The following KCNQ5 variants were observed in gnomAD, a reference collection of about 807,000 sequenced individuals.
The protein encoded by KCNQ5 is potassium voltage-gated channel subfamily Q member 5.
Under a neutral mutation model 98.2 loss-of-function variants are expected in KCNQ5, and 30 were observed. The observed-to-expected ratio is 0.31, with a 90% CI of 0.23 to 0.41. The LOEUF (loss-of-function observed/expected upper bound fraction) is 0.41. Ranked by LOEUF, KCNQ5 falls within the 10% of genes least tolerant of loss-of-function variation. The pLI is 1.00. For missense variants in KCNQ5, 835 were observed against 1,182.5 expected (o/e 0.71, Z 4.31); for synonymous variants, 458 against 449.4 (o/e 1.02, Z -0.24).
intron 1 of KCNQ5, among the ~76,000 whole-genome samples, chr6:72,814,143 G>A (rs2150107561): frequency 6.6e-6 from 1 of 152,316 alleles, no homozygotes; most frequent in African/African-American, 2.4e-5. Flanking sequence ...TTTGAATCTA[G>A]GAACAGAAGG....
chr6:72,790,650 A>C (rs1773990473), intron 1 of KCNQ5, among the ~76,000 whole-genome samples: 1 of 152,238 alleles, frequency 6.6e-6, no homozygotes, highest in South Asian at 2.1e-4. Context: ...ACATTTAAAA[A>C]TAACTAAAAT....
At chr6:72,731,294 G>A (rs2154475767) in intron 1 of KCNQ5, among the ~76,000 whole-genome samples, 1 of 152,322 alleles carries the variant, frequency 6.6e-6, no homozygotes, top group Non-Finnish European at 1.5e-5. Flanking sequence ...AAAGCACAAT[G>A]GAGATAGAAA....
chr6:72,852,661 A>ATATATATATATATATATATAT (rs60436919), intron 1 of KCNQ5, among the ~76,000 whole-genome samples: 15 of 125,372 alleles, frequency 1.2e-4, no homozygotes, highest in South Asian at 2.6e-4. Context: ...ATATATATAT[A>ATATATATATATATATATATAT]AATGGCACTT....
Position 73,143,721 on chromosome 6 carries a change from G to A in KCNQ5, c.1468+10080G>A, listed in dbSNP as rs182596971. ...CATTTAGAAGGCAGGGAGGAGGCGT[G>A]ACAACTGTCACCCCAAAGAACTTAC... is the stretch of plus-strand genomic sequence containing the variant. On this transcript the variant is annotated intron_variant, in intron 10 of 13. Transcript: ENST00000370398. Among the ~76,000 whole-genome samples the A allele has an allele frequency of 1.6e-3, 249 of 152,258 alleles. 1 individual carries two copies. Among genetic ancestry groups the A allele is most frequent in the African/African-American group, 5.7e-3 (237 of 41,548 alleles).
intron 11 of KCNQ5, among the ~76,000 whole-genome samples, chr6:73,178,589 C>A (rs930438105): frequency 6.6e-6 from 1 of 151,668 alleles, no homozygotes; most frequent in African/African-American, 2.4e-5. Context: ...TATCTGCTTG[C>A]CCCTACAGTG....
In KCNQ5 at chr6:73,195,910, A is replaced by G. The variant is rs988607202; in HGVS notation, c.*496A>G. The stretch of plus-strand genomic sequence containing the variant: ...ATAATAGAAATGGCTGCTTATTTCA[A>G]GATATATTTGCCAACCCATTCCTAT... On this transcript the variant is annotated 3_prime_UTR_variant, in exon 14 of 14. Transcript: ENST00000370398. The G allele has an allele frequency of 1.9e-5, 3 of 158,512 alleles. No homozygotes were observed. The highest frequency in any genetic ancestry group is 7.2e-5 in the African/African-American group (3 of 41,512). The allele number at this position is 158,512 out of a possible 1,614,324, so 9.8% of individuals were successfully genotyped here. A position where few individuals can be genotyped will look rare whatever the true frequency, so the allele number is the denominator to read the frequency against.
chr6:73,068,681 A>G (rs1773173968), intron 3 of KCNQ5, among the ~76,000 whole-genome samples: 1 of 152,226 alleles, frequency 6.6e-6, no homozygotes, highest in South Asian at 2.1e-4. Context: ...TGAGCACCAC[A>G]GCCCATGCTC....
At chr6:72,709,108 G>A (rs931382329) in intron 1 of KCNQ5, among the ~76,000 whole-genome samples, 1 of 152,112 alleles carries the variant, frequency 6.6e-6, no homozygotes, top group Admixed American at 6.5e-5. Flanking sequence ...CCCCACAAAG[G>A]TGCTGGGATT....
At chr6:72,921,771 TC>T (rs1340681225) in intron 1 of KCNQ5, among the ~76,000 whole-genome samples, 2 of 152,114 alleles carry the variant, frequency 1.3e-5, no homozygotes, top group African/African-American at 4.8e-5. Flanking sequence ...TGTCCTAGAG[TC>T]TTGAAGTGGA....
chr6:72,916,280 G>T (rs1171202389), intron 1 of KCNQ5, among the ~76,000 whole-genome samples: 1 of 152,090 alleles, frequency 6.6e-6, no homozygotes, highest in African/African-American at 2.4e-5. Flanking sequence ...AAACAATTCA[G>T]GTTTCACACC....
chr6:72,955,118 C>T (rs895514222), intron 1 of KCNQ5, among the ~76,000 whole-genome samples: 1 of 152,168 alleles, frequency 6.6e-6, no homozygotes, highest in African/African-American at 2.4e-5. Flanking sequence ...CAGATCTAAA[C>T]GTTAGTTTAG....
intron 1 of KCNQ5, among the ~76,000 whole-genome samples, chr6:72,654,007 A>G (rs571125073): frequency 7.9e-5 from 12 of 152,204 alleles, no homozygotes; most frequent in African/African-American, 2.6e-4. Flanking sequence ...AGTGTCTACC[A>G]TAATGTAAGC....
At chr6:72,737,529 G>A (rs1253474791) in intron 1 of KCNQ5, among the ~76,000 whole-genome samples, 5 of 152,040 alleles carry the variant, frequency 3.3e-5, no homozygotes, top group Non-Finnish European at 7.4e-5. Flanking sequence ...TCCTGAGAGT[G>A]TCTGAGAGAA....
At chr6:73,000,078 A>G (rs1769489440) in intron 1 of KCNQ5, among the ~76,000 whole-genome samples, 1 of 152,004 alleles carries the variant, frequency 6.6e-6, no homozygotes, top group African/African-American at 2.4e-5. Flanking sequence ...CACCGCTTCT[A>G]CTTGTATTCA....
intron 1 of KCNQ5, among the ~76,000 whole-genome samples, chr6:72,925,284 T>C (rs775845681): frequency 1.3e-5 from 2 of 152,188 alleles, no homozygotes; most frequent in African/African-American, 2.4e-5. Context: ...TAGATGAGCT[T>C]ACAGATGGAT....
intron 1 of KCNQ5, among the ~76,000 whole-genome samples, chr6:72,649,664 A>G (rs1339424144): frequency 6.6e-6 from 1 of 152,164 alleles, no homozygotes; most frequent in Non-Finnish European, 1.5e-5. Context: ...GAATAAAACT[A>G]CTGGACATAG....
Position 72,987,328 on chromosome 6 carries a change from T to C in KCNQ5, c.399-16580T>C, listed in dbSNP as rs1465361516. On this transcript the variant is annotated intron_variant, in intron 1 of 13. Transcript: ENST00000370398. Reference sequence around the variant, plus strand: ...AAAGGCAACATGGACGAGGCGCACATAGACCAGGTGAGGCGAAAGGCCTTG... The same window carrying C: ...AAAGGCAACATGGACGAGGCGCACACAGACCAGGTGAGGCGAAAGGCCTTG... 1.8e-5 allele frequency: 13 copies of C among 707,720 alleles called. No individual in the cohort carries two copies. The East Asian group carries it at 3.9e-4, about 21-fold the overall frequency. 43.8% of individuals were successfully genotyped at this position (707,720 alleles called of 1,614,324 possible).
intron 1 of KCNQ5, among the ~76,000 whole-genome samples, chr6:72,856,147 C>T (rs1582418155): frequency 6.6e-6 from 1 of 152,242 alleles, no homozygotes; most frequent in East Asian, 1.9e-4. Context: ...TTCCATCTTT[C>T]TTCAAGCATT....
At chr6:72,860,432 T>A (rs146899152) in intron 1 of KCNQ5, among the ~76,000 whole-genome samples, 36 of 152,328 alleles carry the variant, frequency 2.4e-4, no homozygotes, top group African/African-American at 8.7e-4. Flanking sequence ...CTTTATTAAG[T>A]GTGTGGCTTT....
Sources: gnomAD v4.1 joint callset for allele counts (sites outside exome capture counted in the v4.1 genomes callset) on GRCh38, gnomAD v4.1.1 for gene constraint, MANE v1.5 for transcripts, NCBI Gene and HGNC (gene_info 2026-07-23, HGNC 2026-07-21) for gene names.